Variants in MTUS2 observed in about 807,000 individuals in gnomAD.
MTUS2 encodes the protein microtubule associated scaffold protein 2, also known as microtubule-associated tumor suppressor candidate 2.
A neutral mutation model predicts 114.1 loss-of-function variants in MTUS2; 40 were observed. The ratio of observed to expected loss-of-function variants is 0.35; its 90% CI spans 0.27 to 0.46. The LOEUF is 0.46. Among genes scored for constraint, MTUS2 ranks in the 20% least tolerant of loss-of-function variants. The pLI is 1.00. For missense variants in MTUS2, 1,679 were observed against 1,705.4 expected, an observed-to-expected ratio of 0.98 and a Z score of 0.27; for synonymous variants, 688 against 672.0, an observed-to-expected ratio of 1.02 and a Z score of -0.37.
intron 8 of MTUS2, among the ~76,000 whole-genome samples, chr13:29,416,665 C>T (rs1875690869): frequency 6.6e-6 from 1 of 152,120 alleles, no homozygotes; most frequent in Non-Finnish European, 1.5e-5. Flanking sequence ...TGCCAGTAGC[C>T]TTGATACTTG....
chr13:29,390,808 A>T (rs1393337055), intron 8 of MTUS2, among the ~76,000 whole-genome samples: 1 of 150,846 alleles, frequency 6.6e-6, no homozygotes, highest in Non-Finnish European at 1.5e-5. Flanking sequence ...ATTGAGATGT[A>T]GTGTCGCTCT....
chr13:28,986,202 G>A (rs924001588), intron 2 of MTUS2, among the ~76,000 whole-genome samples: 8 of 151,980 alleles, frequency 5.3e-5, no homozygotes, highest in Admixed American at 2.0e-4. Flanking sequence ...CCTTGGGAGC[G>A]GGCATAGATG....
chr13:29,242,134 C>T lies in MTUS2; in HGVS notation c.2645-39570C>T, dbSNP rs78445279. The stretch of plus-strand genomic sequence containing the variant: ...ATAAAATTCACCAGTTTCAGAAGTA[C>T]ACTTCAGTGACTTTTTGTCAATTTA... On this transcript the variant is annotated intron_variant, in intron 5 of 15. Coordinates refer to ENST00000612955, the MANE Select transcript of MTUS2 (RefSeq NM_001033602.4). 5.8e-3 allele frequency among the ~76,000 whole-genome samples: 885 copies of T among 152,226 alleles called. 16 individuals are homozygous for T. In the East Asian group the frequency reaches 0.06, roughly 10 times the overall value.
At chr13:28,846,347 C>T (rs918944460) in intron 2 of MTUS2, among the ~76,000 whole-genome samples, 4 of 152,216 alleles carry the variant, frequency 2.6e-5, no homozygotes, top group East Asian at 1.9e-4. Flanking sequence ...CTAAAGAACA[C>T]GAAAGAATTA....
chr13:29,311,033 A>G (rs1396479768), intron 6 of MTUS2, among the ~76,000 whole-genome samples: 1 of 152,234 alleles, frequency 6.6e-6, no homozygotes, highest in Non-Finnish European at 1.5e-5. Flanking sequence ...CACACAATGG[A>G]TCATTATTTG....
At chr13:28,956,451 C>G (rs948786336) in intron 2 of MTUS2, among the ~76,000 whole-genome samples, 2 of 152,124 alleles carry the variant, frequency 1.3e-5, no homozygotes, top group African/African-American at 4.8e-5. Context: ...GGCTTCCCAC[C>G]TTTGTATGAA....
chr13:29,428,660 C>G, intron 8 of MTUS2: 1 of 1,288,830 alleles, frequency 7.8e-7, no homozygotes, highest in South Asian at 1.7e-5. Flanking sequence ...TCTCCTCCTC[C>G]TCTCATTCCT....
intron 8 of MTUS2, among the ~76,000 whole-genome samples, chr13:29,391,526 T>C (rs990984432): frequency 6.7e-6 from 1 of 148,670 alleles, no homozygotes; most frequent in African/African-American, 2.4e-5. Context: ...TCTGATTCTT[T>C]ATTCCACATG....
At chr13:29,447,610 AT>A (rs549056364) in intron 9 of MTUS2, among the ~76,000 whole-genome samples, 10,921 of 111,972 alleles carry the variant, frequency 0.098, 501 homozygotes, top group African/African-American at 0.16. Context: ...TGTTGTCTCC[AT>A]TTTTTTTTTT....
At chr13:29,421,584 A>C (rs937257427) in intron 8 of MTUS2, among the ~76,000 whole-genome samples, 1 of 152,208 alleles carries the variant, frequency 6.6e-6, no homozygotes, top group African/African-American at 2.4e-5. Context: ...GGAAATGTTC[A>C]TAGAGACCTA....
chr13:28,966,485 G>A (rs1193153344), intron 2 of MTUS2, among the ~76,000 whole-genome samples: 1 of 152,104 alleles, frequency 6.6e-6, no homozygotes, highest in Non-Finnish European at 1.5e-5. Flanking sequence ...ACGTTGTGGG[G>A]GCTGAGGTGG....
At chr13:29,278,781 C>T (rs934976162) in intron 5 of MTUS2, among the ~76,000 whole-genome samples, 2 of 152,102 alleles carry the variant, frequency 1.3e-5, no homozygotes, top group African/African-American at 2.4e-5. Context: ...TTGTGTTATC[C>T]TCACCTTTTT....
chr13:29,470,878 A>C (rs958057486), intron 9 of MTUS2, among the ~76,000 whole-genome samples: 1 of 152,058 alleles, frequency 6.6e-6, no homozygotes, highest in Non-Finnish European at 1.5e-5. Context: ...CCCTTTCCCC[A>C]TCTCTCCACA....
chr13:29,374,980 T>C (rs948625299), intron 8 of MTUS2, among the ~76,000 whole-genome samples: 1 of 152,066 alleles, frequency 6.6e-6, no homozygotes, highest in African/African-American at 2.4e-5. Context: ...AAAGAAAAGC[T>C]AAAAGAATTC....
chr13:28,898,414 G>C (rs1024654055), intron 2 of MTUS2, among the ~76,000 whole-genome samples: 1 of 152,132 alleles, frequency 6.6e-6, no homozygotes, highest in Non-Finnish European at 1.5e-5. Flanking sequence ...GTTCCTCGTG[G>C]GTTGTTGTTT....
chr13:29,365,332 A>G (rs974021157), intron 8 of MTUS2, among the ~76,000 whole-genome samples: 2 of 152,168 alleles, frequency 1.3e-5, no homozygotes, highest in Non-Finnish European at 2.9e-5. Context: ...TCTTCTCAAC[A>G]TTCATGGAAG....
intron 7 of MTUS2, among the ~76,000 whole-genome samples, chr13:29,327,732 T>G (rs1900588918): frequency 6.6e-6 from 1 of 152,182 alleles, no homozygotes; most frequent in Admixed American, 6.5e-5. Flanking sequence ...TCTGCTTCCA[T>G]TTCTCTTGGG....
intron 2 of MTUS2, among the ~76,000 whole-genome samples, chr13:29,002,814 T>A (rs1593373552): frequency 6.6e-6 from 1 of 152,232 alleles, no homozygotes; most frequent in East Asian, 1.9e-4. Context: ...CCTCTTGACA[T>A]AATTCAAACT....
At chr13:29,047,971 CAT>C (rs1887714034) in intron 4 of MTUS2, among the ~76,000 whole-genome samples, 1 of 151,944 alleles carries the variant, frequency 6.6e-6, no homozygotes, top group Non-Finnish European at 1.5e-5. Flanking sequence ...AATGTTCATC[CAT>C]GAATCAGTAT....
Sources: gnomAD v4.1 joint callset for allele counts (sites outside exome capture counted in the v4.1 genomes callset) on GRCh38, gnomAD v4.1.1 for gene constraint, MANE v1.5 for transcripts, NCBI Gene and HGNC (gene_info 2026-07-23, HGNC 2026-07-21) for gene names.